Variants in MBTD1 observed in about 807,000 individuals in gnomAD.
The protein encoded by MBTD1 is mbt domain containing 1.
A neutral mutation model predicts 87.8 loss-of-function variants in MBTD1; 24 were observed. That is an observed-to-expected ratio of 0.27 (90% CI 0.20 to 0.38). The LOEUF (loss-of-function observed/expected upper bound fraction) is 0.38, where lower values mean the gene tolerates loss of function less well. Among genes scored for constraint, MBTD1 ranks in the 10% least tolerant of loss-of-function variants. MBTD1 has a pLI of 1.00. For missense variants in MBTD1, 436 were observed against 760.2 expected (o/e 0.57, Z 5.02); for synonymous variants, 237 against 248.6 (o/e 0.95, Z 0.44).
intron 2 of MBTD1, among the ~76,000 whole-genome samples, chr17:51,252,078 T>A (rs2054819473): frequency 6.6e-6 from 1 of 152,226 alleles, no homozygotes; most frequent in Admixed American, 6.5e-5. Flanking sequence ...TTGGACTATT[T>A]TTGTTACTGA....
At chr17:51,207,292 T>C (rs1568177732) in intron 6 of MBTD1, among the ~76,000 whole-genome samples, 1 of 152,196 alleles carries the variant, frequency 6.6e-6, no homozygotes, top group Non-Finnish European at 1.5e-5. Flanking sequence ...ACAAACTCAA[T>C]AGCAGATTTA....
rs2055291770 is a variant in MBTD1 at position 51,259,220 on chromosome 17, A to T, written c.-112-14T>A. On this transcript the variant is annotated splice_polypyrimidine_tract_variant and intron_variant, in intron 1 of 16. Coordinates refer to ENST00000586178, the MANE Select transcript of MBTD1 (RefSeq NM_017643.3). ...TCTCTTCCGACTCTGAAATGTTAGG[A>T]TTCTTATTTCACAAAGGAGAACGCA... The T allele has an allele frequency of 6.5e-6, 8 of 1,224,416 alleles. No homozygotes were observed. The highest frequency in any genetic ancestry group is 8.2e-6 in the Non-Finnish European group (8 of 981,002). 75.8% of individuals were successfully genotyped at this position (1,224,416 alleles called of 1,614,324 possible).
In MBTD1 at chr17:51,247,509, C is replaced by A. The variant is rs151193378; in HGVS notation, c.-49+11634G>T. Among the ~76,000 whole-genome samples the A allele has an allele frequency of 3.4e-5, 5 of 148,788 alleles. No homozygotes were observed. In the South Asian group the frequency reaches 6.3e-4, roughly 19 times the overall value. On this transcript the variant is annotated intron_variant, in intron 2 of 16. Coordinates refer to ENST00000586178, the MANE Select transcript of MBTD1 (RefSeq NM_017643.3). Reference sequence around the variant, plus strand: ...TCGTTCAGCCTGGAGTGCAGCAGCACGATCTTGGCTCCCTGCAGCCTCAAC... The same window carrying A: ...TCGTTCAGCCTGGAGTGCAGCAGCAAGATCTTGGCTCCCTGCAGCCTCAAC...
At chr17:51,181,081 G>A (rs1397411722) in intron 16 of MBTD1, among the ~76,000 whole-genome samples, 1 of 150,572 alleles carries the variant, frequency 6.6e-6, no homozygotes, top group African/African-American at 2.4e-5. Context: ...GAGTGCAGTG[G>A]AGTGAACTCG....
chr17:51,257,148 T>C (rs1358722809), intron 2 of MBTD1, among the ~76,000 whole-genome samples: 1 of 152,244 alleles, frequency 6.6e-6, no homozygotes, highest in South Asian at 2.1e-4. Context: ...AATACTGTGG[T>C]GTTAGGAGAA....
At chr17:51,243,558 T>C (rs1423836850) in intron 2 of MBTD1, among the ~76,000 whole-genome samples, 1 of 152,238 alleles carries the variant, frequency 6.6e-6, no homozygotes, top group Non-Finnish European at 1.5e-5. Context: ...TGACAATATA[T>C]GATACTTTTC....
intron 12 of MBTD1, among the ~76,000 whole-genome samples, chr17:51,199,932 C>G (rs1193497338): frequency 6.6e-6 from 1 of 151,990 alleles, no homozygotes; most frequent in East Asian, 1.9e-4. Context: ...TCAAGTGATT[C>G]TCCTGCCGCA....
At chr17:51,215,597 A>C (rs1320250735) in intron 6 of MBTD1, among the ~76,000 whole-genome samples, 1 of 152,182 alleles carries the variant, frequency 6.6e-6, no homozygotes, top group Non-Finnish European at 1.5e-5. Flanking sequence ...ATCCCAAGAG[A>C]AGAGAGTTAA....
intron 11 of MBTD1, 127 bp downstream of exon 11, chr17:51,201,895 G>T: frequency 1.4e-6 from 1 of 727,264 alleles, no homozygotes; most frequent in Non-Finnish European, 2.4e-6. Context: ...TGACACCTAT[G>T]AATTTACAAG....
At chr17:51,260,479 G>A, upstream of MBTD1, 3 of 1,255,010 alleles carry the variant, frequency 2.4e-6, no homozygotes, top group Non-Finnish European at 3.3e-6. Context: ...GGCTGCGCAG[G>A]CTCCTTCCGG....
chr17:51,200,054 T>C (rs2051374211), intron 12 of MBTD1, among the ~76,000 whole-genome samples: 1 of 152,224 alleles, frequency 6.6e-6, no homozygotes, highest in South Asian at 2.1e-4. Context: ...CTTGATATCC[T>C]GACCTCGTGA....
intron 16 of MBTD1, among the ~76,000 whole-genome samples, chr17:51,187,001 G>T (rs2050567439): frequency 6.6e-6 from 1 of 152,154 alleles, no homozygotes; most frequent in South Asian, 2.1e-4. Context: ...TTACTGATAT[G>T]AAATGTGCTC....
At chr17:51,245,962 C>CA (rs1456579085) in intron 2 of MBTD1, among the ~76,000 whole-genome samples, 3 of 152,158 alleles carry the variant, frequency 2.0e-5, no homozygotes, top group Non-Finnish European at 4.4e-5. Context: ...TGATATGTCT[C>CA]AAGGACAGTG....
At chr17:51,228,518 A>T (rs1039218379) in intron 2 of MBTD1, among the ~76,000 whole-genome samples, 1 of 151,124 alleles carries the variant, frequency 6.6e-6, no homozygotes, top group African/African-American at 2.4e-5. Flanking sequence ...AGACAAAACT[A>T]ATATTGCTAC....
chr17:51,249,858 A>G (rs1235889345), intron 2 of MBTD1: 5 of 152,138 alleles, frequency 3.3e-5, no homozygotes, highest in Admixed American at 2.0e-4. Context: ...TGACTCCCTC[A>G]TATTACTTCA....
intron 12 of MBTD1, among the ~76,000 whole-genome samples, chr17:51,200,516 C>T (rs555718148): frequency 2.9e-4 from 41 of 142,446 alleles, no homozygotes; most frequent in Admixed American, 2.8e-3. Context: ...GCTATGATCA[C>T]GCCATTGCAC....
intron 5 of MBTD1, among the ~76,000 whole-genome samples, chr17:51,217,792 A>G (rs1404126709): frequency 6.6e-6 from 1 of 152,174 alleles, no homozygotes; most frequent in Non-Finnish European, 1.5e-5. Flanking sequence ...TATTTTTAGT[A>G]GAGACGGGGT....
rs2055274960 is a variant in MBTD1 at position 51,259,046 on chromosome 17, G to C, written c.-49+97C>G. On this transcript the variant is annotated intron_variant, in intron 2 of 16. Coordinates refer to ENST00000586178, the MANE Select transcript of MBTD1 (RefSeq NM_017643.3). ...GAGACTGAAGGGTCTAATAAGGGTA[G>C]GCAGACAACAATTAGAACTACTGAA... 7.5e-6 allele frequency: 3 copies of C among 397,964 alleles called. No individual in the cohort carries two copies. In the South Asian group the frequency reaches 3.9e-4, roughly 52 times the overall value. The allele number at this position is 397,964 out of a possible 1,614,324, so 24.7% of individuals were successfully genotyped here.
intron 7 of MBTD1, among the ~76,000 whole-genome samples, chr17:51,206,572 A>AT (rs1338511435): frequency 6.6e-6 from 1 of 152,246 alleles, no homozygotes; most frequent in Admixed American, 6.5e-5. Context: ...TTCATGATAC[A>AT]TAACTATTAT....
Sources: gnomAD v4.1 joint callset for allele counts (sites outside exome capture counted in the v4.1 genomes callset) on GRCh38, gnomAD v4.1.1 for gene constraint, MANE v1.5 for transcripts, NCBI Gene and HGNC (gene_info 2026-07-23, HGNC 2026-07-21) for gene names.